The following GRM8 variants were observed in gnomAD, a reference collection of about 807,000 sequenced individuals.
The protein encoded by GRM8 is metabotropic glutamate receptor 8.
In GRM8, 47 loss-of-function variants were observed where a neutral mutation model predicts 87.2. The ratio of observed to expected loss-of-function variants is 0.54; its 90% CI spans 0.43 to 0.69. GRM8 has a LOEUF of 0.69. Ranked by LOEUF, GRM8 falls within the 30% of genes least tolerant of loss-of-function variation. The probability of loss-of-function intolerance (pLI) is 0.00; values close to 1 mark genes in which losing one functional copy is unlikely to be tolerated. For missense variants in GRM8, 1,019 were observed against 1,139.2 expected (o/e 0.89, Z 1.52); for synonymous variants, 396 against 404.5 (o/e 0.98, Z 0.25).
intron 7 of GRM8, among the ~76,000 whole-genome samples, chr7:126,690,922 G>C (rs1808735174): frequency 6.6e-6 from 1 of 152,200 alleles, no homozygotes; most frequent in South Asian, 2.1e-4. Context: ...ATGGGCTTCA[G>C]AGGGGAGGTA....
At chr7:126,745,607 C>T (rs1028147695) in intron 7 of GRM8, among the ~76,000 whole-genome samples, 4 of 151,268 alleles carry the variant, frequency 2.6e-5, no homozygotes, top group African/African-American at 7.3e-5. Flanking sequence ...GTTTTTTTCC[C>T]CCTAATATTA....
At chr7:127,151,708 A>C (rs555892974) in intron 2 of GRM8, among the ~76,000 whole-genome samples, 6 of 152,118 alleles carry the variant, frequency 3.9e-5, no homozygotes, top group Non-Finnish European at 5.9e-5. Context: ...GTGTATTTAC[A>C]GAGAATCTCA....
chr7:127,056,959 A>G (rs1820058152), intron 3 of GRM8, among the ~76,000 whole-genome samples: 1 of 152,236 alleles, frequency 6.6e-6, no homozygotes, highest in African/African-American at 2.4e-5. Flanking sequence ...ACAGAAAATT[A>G]AATGTAGTGA....
rs1010470413 is a variant in GRM8, at chr7:127,165,052, C to T, written c.511-58340G>A. Among the ~76,000 whole-genome samples the T allele has an allele frequency of 4.0e-5, 6 of 149,028 alleles. No homozygotes were observed. In the South Asian group the frequency reaches 1.3e-3, roughly 32 times the overall value. ...ACTATATACCTGGTTTTTTCTAAGT[C>T]CTGAGGATGTAACGGTGAAAAACAT... On this transcript the variant is annotated intron_variant, in intron 2 of 10. Coordinates refer to ENST00000339582, the MANE Select transcript of GRM8 (RefSeq NM_000845.3).
intron 6 of GRM8, among the ~76,000 whole-genome samples, chr7:126,871,998 T>A (rs1799140211): frequency 6.6e-6 from 1 of 152,180 alleles, no homozygotes; most frequent in Non-Finnish European, 1.5e-5. Context: ...TTTTATCATT[T>A]GCATGAAGAA....
At chr7:127,149,022 T>G (rs1828702944) in intron 2 of GRM8, among the ~76,000 whole-genome samples, 1 of 152,010 alleles carries the variant, frequency 6.6e-6, no homozygotes. Context: ...TTGGCCTTGA[T>G]GACTTTTTGG....
chr7:126,524,179 TA>T (rs977210667), intron 9 of GRM8, among the ~76,000 whole-genome samples: 5 of 151,938 alleles, frequency 3.3e-5, no homozygotes, highest in African/African-American at 7.3e-5. Flanking sequence ...AACAAAAAGT[TA>T]AAAAAAATCC....
At chr7:127,199,694 A>C (rs1425841611) in intron 2 of GRM8, among the ~76,000 whole-genome samples, 1 of 152,196 alleles carries the variant, frequency 6.6e-6, no homozygotes, top group Admixed American at 6.5e-5. Flanking sequence ...ACTGTTGTTA[A>C]AAATGATGCA....
chr7:126,701,920 G>C, intron 7 of GRM8: 1 of 423,178 alleles, frequency 2.4e-6, no homozygotes, highest in South Asian at 1.8e-5. Flanking sequence ...CATGCCTTCT[G>C]TCTTAGTATA....
chr7:126,907,261 AAGGAGG>A (rs3038982), intron 3 of GRM8, among the ~76,000 whole-genome samples: 48 of 137,280 alleles, frequency 3.5e-4, no homozygotes, highest in African/African-American at 1.2e-3. Context: ...GAGTAAGAGA[AAGGAGG>A]AGGAGGAGGA....
At chr7:126,888,301 G>A (rs1800688371) in intron 6 of GRM8, among the ~76,000 whole-genome samples, 1 of 152,058 alleles carries the variant, frequency 6.6e-6, no homozygotes, top group Non-Finnish European at 1.5e-5. Context: ...GATCACAGTG[G>A]AAATCCTTCT....
intron 7 of GRM8, among the ~76,000 whole-genome samples, chr7:126,629,173 A>G (rs1800995231): frequency 6.6e-6 from 1 of 152,206 alleles, no homozygotes; most frequent in African/African-American, 2.4e-5. Flanking sequence ...CAGACAAAAT[A>G]GGTCACATAC....
intron 9 of GRM8, among the ~76,000 whole-genome samples, chr7:126,458,627 C>T (rs1200980450): frequency 6.6e-6 from 1 of 151,000 alleles, no homozygotes; most frequent in Non-Finnish European, 1.5e-5. Flanking sequence ...ATAAAATTAT[C>T]ATTTTCACTG....
At chr7:127,120,325 T>C (rs369064526) in intron 2 of GRM8, among the ~76,000 whole-genome samples, 43 of 152,342 alleles carry the variant, frequency 2.8e-4, no homozygotes, top group African/African-American at 8.2e-4. Context: ...AACAAATGCT[T>C]ATATGTTTTG....
At chr7:126,876,958 C>T (rs1448388096) in intron 6 of GRM8, among the ~76,000 whole-genome samples, 3 of 150,746 alleles carry the variant, frequency 2.0e-5, no homozygotes, top group Non-Finnish European at 4.4e-5. Flanking sequence ...AAGGCTGTTC[C>T]ATGTTGCCTC....
chr7:126,979,218 A>G (rs1401548814), intron 3 of GRM8, among the ~76,000 whole-genome samples: 2 of 152,174 alleles, frequency 1.3e-5, no homozygotes, highest in African/African-American at 4.8e-5. Context: ...ACTCCTGAAC[A>G]ATTCCCTCCT....
intron 3 of GRM8, among the ~76,000 whole-genome samples, chr7:127,059,874 C>G (rs1468332431): frequency 6.6e-6 from 1 of 152,178 alleles, no homozygotes; most frequent in Non-Finnish European, 1.5e-5. Context: ...GCCATAAAAA[C>G]CTTGGCAACT....
intron 3 of GRM8, among the ~76,000 whole-genome samples, chr7:127,052,269 T>C (rs1819566901): frequency 6.6e-6 from 1 of 152,156 alleles, no homozygotes; most frequent in East Asian, 1.9e-4. Context: ...CTCTGCCTCT[T>C]GCACCCTCTT....
intron 7 of GRM8, among the ~76,000 whole-genome samples, chr7:126,694,337 C>A (rs1046729363): frequency 6.6e-6 from 1 of 152,022 alleles, no homozygotes; most frequent in African/African-American, 2.4e-5. Context: ...CCACTGCTGA[C>A]CAGATATTAT....
Sources: allele counts gnomAD v4.1 joint callset (sites outside exome capture counted in the v4.1 genomes callset), GRCh38; gene constraint gnomAD v4.1.1; transcripts MANE v1.5; gene names NCBI Gene and HGNC (gene_info 2026-07-23, HGNC 2026-07-21).